Variants in CHRDL1 observed in about 807,000 individuals in gnomAD.
CHRDL1 encodes chordin-like protein 1.
A neutral mutation model predicts 40.9 loss-of-function variants in CHRDL1; 19 were observed. The ratio of observed to expected loss-of-function variants is 0.46; its 90% CI spans 0.32 to 0.68. CHRDL1 has a LOEUF of 0.68. CHRDL1 is among the 30% of genes least tolerant of loss of function. CHRDL1 has a pLI of 0.03. For synonymous variants in CHRDL1, 136 were observed against 123.4 expected, an observed-to-expected ratio of 1.10 and a Z score of -0.68; for missense variants, 329 against 352.1, an observed-to-expected ratio of 0.93 and a Z score of 0.53.
At chrX:110,736,460 C>A (rs2071265207) in intron 4 of CHRDL1, among the ~76,000 whole-genome samples, 2 of 111,795 alleles carry the variant, frequency 1.8e-5, no homozygotes, top group African/African-American at 6.5e-5. Flanking sequence ...CAGCCAGATG[C>A]TCATATTAAA....
Position 110,759,726 on chromosome X carries a change from C to G in CHRDL1, c.236G>C (p.Arg79Thr), listed in dbSNP as rs1288220620. The G allele has an allele frequency of 1.7e-6, 2 of 1,199,289 alleles. No individual in the cohort carries two copies. The highest frequency in any genetic ancestry group is 2.3e-6 in the Non-Finnish European group (2 of 885,622). Residue 79 changes from arginine (R) to threonine (T), a missense_variant, in exon 4 of 12, where the codon AGA becomes ACA. By Grantham distance (71) the Arg-to-Thr change is moderately conservative. Coordinates refer to ENST00000372042, the MANE Select transcript of CHRDL1 (RefSeq NM_001143981.2). ...AGAAAGGCAATGAACATTTGGACAT[C>G]TGACTCGGCTGCAAAGCACATTCCC... ...ENGNVLCSRV[R>T]CPNVHCLSPV... is the part of the protein sequence containing the mutation.
chrX:110,729,115 A>G (rs2071110731), intron 4 of CHRDL1, among the ~76,000 whole-genome samples: 1 of 111,821 alleles, frequency 8.9e-6, no homozygotes, highest in African/African-American at 3.2e-5. Context: ...CAACAAGAGC[A>G]AATCTCTATC....
chrX:110,685,625 A>G (rs1447871007), intron 9 of CHRDL1, among the ~76,000 whole-genome samples: 2 of 111,552 alleles, frequency 1.8e-5, no homozygotes, highest in Non-Finnish European at 3.8e-5. Context: ...TTAGCTTGCT[A>G]TTTTTACTTA....
rs1226829031 is a variant in CHRDL1, at chrX:110,689,432, C to CTA, written c.779-631_779-630dup. ...TATATATCTATATATATCTATATAT[C>CTA]TATATATCTATATATATCTATATAT... is the stretch of plus-strand genomic sequence containing the variant. On this transcript the variant is annotated intron_variant, in intron 8 of 11. Transcript: ENST00000372042. Among the ~76,000 whole-genome samples the CTA allele has an allele frequency of 1.1e-4, 8 of 72,193 alleles. 1 individual carries two copies. The highest frequency in any genetic ancestry group is 3.8e-4 in the African/African-American group (5 of 13,243). The allele number at this position is 72,193 out of a possible 115,157, so 62.7% of individuals were successfully genotyped here. A position where few individuals can be genotyped will look rare whatever the true frequency, so the allele number is the denominator to read the frequency against.
intron 6 of CHRDL1, among the ~76,000 whole-genome samples, chrX:110,715,186 T>C (rs762896245): frequency 8.2e-4 from 91 of 111,642 alleles, no homozygotes; most frequent in Non-Finnish European, 5.1e-4. Flanking sequence ...TATCTGTTGC[T>C]TCTGAGGACA....
chrX:110,679,280 C>T (rs770134832), intron 11 of CHRDL1, 56 bp downstream of exon 11: 15 of 855,872 alleles, frequency 1.8e-5, no homozygotes, highest in Admixed American at 8.9e-5. Flanking sequence ...TGTGGCTATG[C>T]TAAATTGAAA....
chrX:110,771,914 G>T (rs1211956479), intron 2 of CHRDL1, among the ~76,000 whole-genome samples: 1 of 111,290 alleles, frequency 9.0e-6, no homozygotes, highest in Non-Finnish European at 1.9e-5. Context: ...AAATCTATAA[G>T]AATATATTAA....
chrX:110,770,694 A>T (rs926300224), intron 2 of CHRDL1, among the ~76,000 whole-genome samples: 1 of 111,740 alleles, frequency 8.9e-6, no homozygotes, highest in Non-Finnish European at 1.9e-5. Flanking sequence ...GTTTCATTGC[A>T]TTGACTACAG....
At position 110,680,477 on chromosome X, in the gene CHRDL1, A is replaced by G. The variant is rs770417773; in HGVS notation, c.1156+1005T>C. 4.5e-5 allele frequency among the ~76,000 whole-genome samples: 5 copies of G among 112,269 alleles called. No individual in the cohort carries two copies. The East Asian group carries it at 1.4e-3, about 31-fold the overall frequency. ...AAAAAAAGCCTCATAAATACTGAGC[A>G]GTCTTTTTCAAAGCATGGTCCAAGT... is the stretch of plus-strand genomic sequence containing the variant. On this transcript the variant is annotated intron_variant, in intron 10 of 11. Coordinates refer to ENST00000372042, the MANE Select transcript of CHRDL1 (RefSeq NM_001143981.2).
intron 9 of CHRDL1, among the ~76,000 whole-genome samples, chrX:110,687,985 TCTGGG>T (rs1426298531): frequency 1.8e-5 from 2 of 111,805 alleles, no homozygotes; most frequent in African/African-American, 6.5e-5. Flanking sequence ...GTTGAATGAA[TCTGGG>T]CAAGTCCTTT....
intron 6 of CHRDL1, among the ~76,000 whole-genome samples, chrX:110,704,726 A>T (rs1269963355): frequency 3.6e-5 from 4 of 111,434 alleles, no homozygotes; most frequent in African/African-American, 6.5e-5. Flanking sequence ...TTCAGTGGGC[A>T]GTAGTGGGTC....
At chrX:110,738,980 G>A (rs1458888645) in intron 4 of CHRDL1, among the ~76,000 whole-genome samples, 1 of 111,229 alleles carries the variant, frequency 9.0e-6, no homozygotes, top group Admixed American at 9.6e-5. Context: ...TCTATTTCAC[G>A]TTCCTGCCCC....
rs140359319 is a variant in CHRDL1 at position 110,676,336 on chromosome X, T to C, written c.1272A>G (p.Gly424=). 6 of 1,209,802 alleles carry C rather than the reference T, an allele frequency of 5.0e-6. No homozygotes were observed. In the South Asian group the frequency reaches 8.8e-5, roughly 18 times the overall value. ...TLSQWKIFTE[G]EAQISQMCSS... Reference sequence around the variant, plus strand: ...AACACATCTGGCTGATCTGAGCTTCTCCTTCGGTGAAGATCTTCCACTGGC... The same window carrying C: ...AACACATCTGGCTGATCTGAGCTTCCCCTTCGGTGAAGATCTTCCACTGGC... The change falls in exon 12 of 12, where the codon GGA becomes GGG. Residue 424 remains glycine, a synonymous_variant. Transcript: ENST00000372042.
Position 110,791,680 on chromosome X carries a change from T to C in CHRDL1, c.94+408A>G, listed in dbSNP as rs917966558. Among the ~76,000 whole-genome samples the C allele has an allele frequency of 8.0e-5, 9 of 112,450 alleles. No homozygotes were observed. In the South Asian group the frequency reaches 2.2e-3, roughly 28 times the overall value. On this transcript the variant is annotated intron_variant, in intron 2 of 11. Transcript: ENST00000372042. ...GAATAGGCAGAGCCTGCTTTTCTTT[T>C]TCTTTTTTTTTCTTTTCTGTGTCAT... is the stretch of plus-strand genomic sequence containing the variant.
intron 6 of CHRDL1, among the ~76,000 whole-genome samples, chrX:110,704,232 T>C (rs969395091): frequency 2.7e-5 from 3 of 111,728 alleles, no homozygotes; most frequent in Non-Finnish European, 5.6e-5. Flanking sequence ...AAACATATCA[T>C]GTACCTCATA....
At chrX:110,696,419 A>G (rs1301834343) in intron 7 of CHRDL1, among the ~76,000 whole-genome samples, 1 of 110,670 alleles carries the variant, frequency 9.0e-6, no homozygotes, top group Admixed American at 9.7e-5. Flanking sequence ...TTACAGACAG[A>G]GAAACTGAGG....
intron 4 of CHRDL1, among the ~76,000 whole-genome samples, chrX:110,744,689 T>C (rs1488188896): frequency 9.0e-6 from 1 of 111,227 alleles, no homozygotes; most frequent in Non-Finnish European, 1.9e-5. Context: ...ATAGAATGTG[T>C]CCTAGGCACA....
chrX:110,730,243 C>T (rs1256585021), intron 4 of CHRDL1, among the ~76,000 whole-genome samples: 2 of 112,111 alleles, frequency 1.8e-5, no homozygotes, highest in African/African-American at 6.5e-5. Context: ...TAGAACTTCT[C>T]AAAAACTGTC....
chrX:110,777,223 C>T (rs888705912), intron 2 of CHRDL1, among the ~76,000 whole-genome samples: 3 of 111,184 alleles, frequency 2.7e-5, no homozygotes, highest in Non-Finnish European at 5.7e-5. Context: ...CTGCATTTAC[C>T]GAAGTTTATT....
Sources: gnomAD v4.1 joint callset for allele counts (sites outside exome capture counted in the v4.1 genomes callset) on GRCh38, gnomAD v4.1.1 for gene constraint, MANE v1.5 for transcripts, NCBI Gene and HGNC (gene_info 2026-07-23, HGNC 2026-07-21) for gene names.